CALCOCO2: variants seen among roughly 807,000 people sequenced by gnomAD.
The protein encoded by CALCOCO2 is calcium-binding and coiled-coil domain-containing protein 2.
Under a neutral mutation model 62.5 loss-of-function variants are expected in CALCOCO2, and 42 were observed. The ratio of observed to expected loss-of-function variants is 0.67; its 90% CI spans 0.53 to 0.87. The LOEUF is 0.87. Ranked by LOEUF, CALCOCO2 falls within the 40% of genes least tolerant of loss-of-function variation. CALCOCO2 has a pLI of 0.00. For synonymous variants in CALCOCO2, 167 were observed against 173.0 expected (o/e 0.97, Z 0.27); for missense variants, 456 against 515.0 (o/e 0.89, Z 1.11).
At chr17:48,852,800 TGAC>T in intron 8 of CALCOCO2, 123 bp from the exon 9 acceptor site, 2 of 983,766 alleles carry the variant, frequency 2.0e-6, no homozygotes, top group Non-Finnish European at 3.1e-6. Flanking sequence ...CTTCAGAAAC[TGAC>T]GAGAGAAGAC....
intron 1 of CALCOCO2, among the ~76,000 whole-genome samples, chr17:48,833,431 T>G (rs1445468241): frequency 6.6e-6 from 1 of 151,276 alleles, no homozygotes; most frequent in Non-Finnish European, 1.5e-5. Flanking sequence ...GGCACATGCA[T>G]GTAGTCTTGG....
At chr17:48,831,981 A>ATCCTT (rs1347893870) in intron 1 of CALCOCO2, 3 of 152,208 alleles carry the variant, frequency 2.0e-5, no homozygotes, top group African/African-American at 7.2e-5. Context: ...TTTGGCAGAC[A>ATCCTT]TGACAGCTGT....
At chr17:48,846,897 G>A (rs1356099472) in intron 2 of CALCOCO2, among the ~76,000 whole-genome samples, 1 of 152,120 alleles carries the variant, frequency 6.6e-6, no homozygotes, top group Non-Finnish European at 1.5e-5. Context: ...AGACACAATA[G>A]CTTCCTTTCT....
rs1025186055 is a variant in CALCOCO2 at position 48,857,999 on chromosome 17, G to A, written c.1008+1812G>A. Among the ~76,000 whole-genome samples the A allele has an allele frequency of 4.0e-4, 8 of 19,772 alleles. 1 individual carries two copies. The highest frequency in any genetic ancestry group is 6.0e-4 in the Admixed American group (1 of 1,672). The allele number at this position is 19,772 out of a possible 152,430, so 13.0% of individuals were successfully genotyped here. A position where few individuals can be genotyped will look rare whatever the true frequency, so the allele number is the denominator to read the frequency against. On this transcript the variant is annotated intron_variant, in intron 10 of 12. Coordinates refer to ENST00000258947, the MANE Select transcript of CALCOCO2 (RefSeq NM_005831.5). ...CAATAGAATAGAATAGAATAGAATAGAATAGAATAGAATAGAATAGAATAG... is the reference window on the plus strand; with the variant it reads ...CAATAGAATAGAATAGAATAGAATAAAATAGAATAGAATAGAATAGAATAG...
chr17:48,848,076 A>G lies in CALCOCO2; in HGVS notation c.193A>G (p.Thr65Ala). Residue 65 changes from threonine to alanine, a missense_variant, in exon 3 of 13, where the codon ACA (threonine) becomes GCA (alanine). By Grantham distance (58) the Thr-to-Ala change is moderately conservative. This residue lies in a region of CALCOCO2 where 236 missense variants were observed against 225.3 expected (regional missense o/e 1.05). Transcript: ENST00000258947. ...WIGIFRVGWK[T>A]TREYYTFMWV... ...CTTGTCATTGCAGGTGGGGTGGAAG[A>G]CAACCCGTGAGTATTACACCTTCAT... The G allele has an allele frequency of 1.2e-6, 2 of 1,607,692 alleles. No individual in the cohort carries two copies. Among genetic ancestry groups the G allele is most frequent in the Admixed American group, 1.7e-5 (1 of 59,870 alleles).
chr17:48,846,225 C>T, intron 2 of CALCOCO2: 2 of 559,286 alleles, frequency 3.6e-6, no homozygotes, highest in Non-Finnish European at 6.1e-6. Flanking sequence ...CAACCTCTGC[C>T]TCCTGGGTTC....
chr17:48,836,266 A>G (rs1258474860), intron 1 of CALCOCO2, among the ~76,000 whole-genome samples: 5 of 152,192 alleles, frequency 3.3e-5, no homozygotes, highest in Admixed American at 2.0e-4. Context: ...TGAACCAGCC[A>G]TGCCAGCTGA....
chr17:48,854,355 G>T (rs1283473244), intron 9 of CALCOCO2, among the ~76,000 whole-genome samples: 1 of 82,640 alleles, frequency 1.2e-5, no homozygotes, highest in East Asian at 5.0e-4. Context: ...TTTGTGATAG[G>T]TATGGATTTC....
chr17:48,858,051 G>GAATAGAATAGAATAGAGAATAGAA (rs1567759538), intron 10 of CALCOCO2, among the ~76,000 whole-genome samples: 1 of 120,870 alleles, frequency 8.3e-6, no homozygotes, highest in African/African-American at 3.0e-5. Flanking sequence ...ATAGAAAATA[G>GAATAGAATAGAATAGAGAATAGAA]AATAGAATAG....
intron 7 of CALCOCO2, among the ~76,000 whole-genome samples, chr17:48,852,084 A>G (rs1408074203): frequency 6.6e-6 from 1 of 151,956 alleles, no homozygotes; most frequent in East Asian, 1.9e-4. Flanking sequence ...GTTGCAGTGA[A>G]TAGAGATTGC....
intron 9 of CALCOCO2, 174 bp from the exon 10 acceptor site, chr17:48,855,918 C>CT: frequency 6.3e-6 from 2 of 316,084 alleles, no homozygotes; most frequent in Non-Finnish European, 1.2e-5. Flanking sequence ...CTTCAGGTGT[C>CT]TTTTTAAGTC....
At chr17:48,851,337 A>G (rs530040239) in intron 6 of CALCOCO2, 160 bp downstream of exon 6, 2 of 633,066 alleles carry the variant, frequency 3.2e-6, no homozygotes, top group Admixed American at 5.7e-5. Context: ...AATTGGTATC[A>G]GAATAGTCAG....
intron 1 of CALCOCO2, among the ~76,000 whole-genome samples, chr17:48,840,303 T>C (rs1200486517): frequency 6.6e-6 from 1 of 151,962 alleles, no homozygotes; most frequent in Non-Finnish European, 1.5e-5. Context: ...CTAATTTTTG[T>C]AGTTTTCTGT....
chr17:48,835,508 G>T (rs2039878168), intron 1 of CALCOCO2, among the ~76,000 whole-genome samples: 1 of 152,120 alleles, frequency 6.6e-6, no homozygotes. Flanking sequence ...TCTGAAATGG[G>T]AAACTCCATG....
intron 9 of CALCOCO2, chr17:48,853,293 C>T (rs1333414314): frequency 1.3e-5 from 4 of 298,436 alleles, no homozygotes; most frequent in Non-Finnish European, 2.6e-5. Flanking sequence ...CAGAATAACC[C>T]CTACCCTCTT....
intron 9 of CALCOCO2, among the ~76,000 whole-genome samples, chr17:48,853,493 G>C (rs650961): frequency 1.3e-5 from 2 of 152,198 alleles, no homozygotes; most frequent in Non-Finnish European, 2.9e-5. Context: ...AGAGTCCCCA[G>C]GGCGTTGACA....
chr17:48,834,104 G>A (rs2039855912), intron 1 of CALCOCO2, among the ~76,000 whole-genome samples: 1 of 72,462 alleles, frequency 1.4e-5, no homozygotes, highest in Admixed American at 1.9e-4. Flanking sequence ...AAGACCCTAT[G>A]TCAAAAAAAA....
intron 6 of CALCOCO2, 157 bp downstream of exon 6, chr17:48,851,334 A>G: frequency 1.6e-6 from 1 of 636,664 alleles, no homozygotes; most frequent in Non-Finnish European, 2.8e-6. Flanking sequence ...GAAAATTGGT[A>G]TCAGAATAGT....
At chr17:48,853,291 C>T (rs891913022) in intron 9 of CALCOCO2, 1 of 302,196 alleles carries the variant, frequency 3.3e-6, no homozygotes, top group Admixed American at 4.3e-5. Flanking sequence ...CACAGAATAA[C>T]CCCTACCCTC....
Sources: allele counts gnomAD v4.1 joint callset (sites outside exome capture counted in the v4.1 genomes callset), GRCh38; gene constraint gnomAD v4.1.1; regional missense constraint gnomAD v4.1.1; transcripts MANE v1.5; gene names NCBI Gene and HGNC (gene_info 2026-07-23, HGNC 2026-07-21).